PNPT1: variants seen among roughly 807,000 people sequenced by gnomAD.
PNPT1 encodes polyribonucleotide nucleotidyltransferase 1, also known as polyribonucleotide nucleotidyltransferase 1, mitochondrial.
In PNPT1, 53 loss-of-function variants were observed where a neutral mutation model predicts 119.5. The observed-to-expected ratio is 0.44, with a 90% CI of 0.36 to 0.56. The LOEUF (loss-of-function observed/expected upper bound fraction) is 0.56. Ranked by LOEUF, PNPT1 falls within the 20% of genes least tolerant of loss-of-function variation. The pLI is 0.00. For synonymous variants in PNPT1, 357 were observed against 322.1 expected (o/e 1.11, Z -1.16); for missense variants, 948 against 938.5 (o/e 1.01, Z -0.13).
Position 55,693,828 on chromosome 2 carries a change from C to G in PNPT1, c.-5G>C, listed in dbSNP as rs1697701622. The G allele has an allele frequency of 6.2e-7, 1 of 1,612,990 alleles. No homozygotes were observed. The highest frequency in any genetic ancestry group is 8.5e-7 in the Non-Finnish European group (1 of 1,179,954). On this transcript the variant is annotated 5_prime_UTR_variant, in exon 1 of 28. Coordinates refer to ENST00000447944, the MANE Select transcript of PNPT1 (RefSeq NM_033109.5). Reference sequence around the variant, plus strand: ...GCAGTACCTGCAGGCCGCCATGACACCCGGCACGCGGTCAACGCAGGCTGT... The same window carrying G: ...GCAGTACCTGCAGGCCGCCATGACAGCCGGCACGCGGTCAACGCAGGCTGT...
At chr2:55,639,362 C>G (rs1447556621) in intron 26 of PNPT1, among the ~76,000 whole-genome samples, 1 of 152,122 alleles carries the variant, frequency 6.6e-6, no homozygotes, top group East Asian at 1.9e-4. Context: ...AAATAAAATC[C>G]TACAATGTCT....
At chr2:55,693,547 TA>T in intron 1 of PNPT1, 115 bp downstream of exon 1, 1 of 1,428,526 alleles carries the variant, frequency 7.0e-7, no homozygotes, top group Non-Finnish European at 9.6e-7. Flanking sequence ...AGGTTTAGGG[TA>T]AGGAGAGATT....
intron 17 of PNPT1, 41 bp downstream of exon 17, chr2:55,656,090 A>G: frequency 1.3e-6 from 2 of 1,586,998 alleles, no homozygotes; most frequent in South Asian, 1.2e-5. Flanking sequence ...AATAGGGAAT[A>G]TGGTCTTTTC....
At chr2:55,682,560 T>C (rs1356902558) in intron 5 of PNPT1, among the ~76,000 whole-genome samples, 1 of 152,118 alleles carries the variant, frequency 6.6e-6, no homozygotes. Context: ...TTTATAAGCA[T>C]AGATTAAACA....
intron 18 of PNPT1, among the ~76,000 whole-genome samples, chr2:55,651,618 C>T (rs1408548377): frequency 6.6e-6 from 1 of 151,064 alleles, no homozygotes; most frequent in Admixed American, 6.6e-5. Context: ...ATCTCAAGTA[C>T]CCAGGGACAC....
chr2:55,685,833 C>G (rs905003363), intron 3 of PNPT1, among the ~76,000 whole-genome samples: 3 of 152,146 alleles, frequency 2.0e-5, no homozygotes, highest in African/African-American at 7.2e-5. Flanking sequence ...TTATAACTTA[C>G]GTATATCCTC....
intron 18 of PNPT1, among the ~76,000 whole-genome samples, chr2:55,650,016 C>T (rs1409036279): frequency 6.6e-6 from 1 of 152,224 alleles, no homozygotes; most frequent in Non-Finnish European, 1.5e-5. Flanking sequence ...GTGTGGCTTT[C>T]TTGAGGCACT....
intron 8 of PNPT1, among the ~76,000 whole-genome samples, chr2:55,676,851 G>C (rs1253289088): frequency 1.4e-5 from 2 of 145,404 alleles, no homozygotes; most frequent in African/African-American, 5.1e-5. Flanking sequence ...AACAGAGAGA[G>C]ACCTGGTCTC....
In PNPT1 at chr2:55,677,043, T is replaced by C. The variant is rs1697095215; in HGVS notation, c.679+2639A>G. Among the ~76,000 whole-genome samples the C allele has an allele frequency of 2.0e-5, 3 of 152,228 alleles. No homozygotes were observed. In the South Asian group the frequency reaches 6.2e-4, roughly 32 times the overall value. On this transcript the variant is annotated intron_variant, in intron 8 of 27. Transcript: ENST00000447944. The stretch of plus-strand genomic sequence containing the variant: ...AAAATGCATATTTGATGCATCTTTA[T>C]GAAAGCAGAGAGAGCTGGCTGAATA...
chr2:55,687,598 C>A, intron 2 of PNPT1, 47 bp downstream of exon 2: 1 of 1,409,336 alleles, frequency 7.1e-7, no homozygotes, highest in Non-Finnish European at 9.7e-7. Context: ...TAGTATGAGT[C>A]TCCGTAACCA....
intron 5 of PNPT1, among the ~76,000 whole-genome samples, chr2:55,683,535 C>A (rs1017755390): frequency 6.6e-6 from 1 of 150,970 alleles, no homozygotes; most frequent in Non-Finnish European, 1.5e-5. Context: ...ATCACTTGAA[C>A]CTGGGAGATT....
chr2:55,640,523 G>A, intron 26 of PNPT1, 104 bp downstream of exon 26: 2 of 980,266 alleles, frequency 2.0e-6, no homozygotes. Context: ...TCTCTGTTTA[G>A]GCTAGTAGTA....
chr2:55,651,094 A>C (rs13006534), intron 18 of PNPT1, among the ~76,000 whole-genome samples: 1 of 112,790 alleles, frequency 8.9e-6, no homozygotes, highest in Non-Finnish European at 1.9e-5. Context: ...CCCCCCGCCC[A>C]GCCAGCCGCC....
At chr2:55,688,725 A>G (rs1697498305) in intron 1 of PNPT1, among the ~76,000 whole-genome samples, 2 of 152,098 alleles carry the variant, frequency 1.3e-5, no homozygotes, top group African/African-American at 4.8e-5. Flanking sequence ...ACTCTGTAAC[A>G]AAAACAAAAC....
chr2:55,660,613 C>G (rs1017151549), intron 14 of PNPT1, among the ~76,000 whole-genome samples: 1 of 152,178 alleles, frequency 6.6e-6, no homozygotes, highest in Non-Finnish European at 1.5e-5. Context: ...TGATCATAAA[C>G]TGTAGCTTTG....
At chr2:55,688,792 G>C (rs1697502672) in intron 1 of PNPT1, among the ~76,000 whole-genome samples, 2 of 152,092 alleles carry the variant, frequency 1.3e-5, no homozygotes, top group Admixed American at 6.6e-5. Context: ...TTCTCCCAAT[G>C]CTTTTAGGAC....
At position 55,636,319 on chromosome 2, in the gene PNPT1, G is replaced by A; in HGVS notation, c.2270C>T (p.Thr757Ile). Residue 757 changes from threonine to isoleucine, a missense_variant, in exon 28 of 28, where the codon ACA becomes ATA. Transcript: ENST00000447944. ...GTCATTCAAAGTTCTGACCACGGTT[G>A]TAGCTGGCGACTGAAGCACTTTTCG... ...LSRKVLQSPA[T>I]TVVRTLNDRS... The A allele has an allele frequency of 6.2e-7, 1 of 1,614,006 alleles. No individual in the cohort carries two copies. The highest frequency in any genetic ancestry group is 8.5e-7 in the Non-Finnish European group (1 of 1,179,952).
At chr2:55,679,919 C>A in intron 7 of PNPT1, 124 bp from the exon 8 acceptor site, 1 of 674,416 alleles carries the variant, frequency 1.5e-6, no homozygotes, top group Non-Finnish European at 2.4e-6. Flanking sequence ...TGTTTCTACA[C>A]GGTATTTAAG....
intron 1 of PNPT1, among the ~76,000 whole-genome samples, chr2:55,691,986 A>G (rs898712636): frequency 1.3e-5 from 2 of 148,158 alleles, no homozygotes; most frequent in African/African-American, 5.0e-5. Flanking sequence ...CCTGGGTTCA[A>G]CCGATTCTCC....
Sources: allele counts gnomAD v4.1 joint callset (sites outside exome capture counted in the v4.1 genomes callset), GRCh38; gene constraint gnomAD v4.1.1; transcripts MANE v1.5; gene names NCBI Gene and HGNC (gene_info 2026-07-23, HGNC 2026-07-21).